The following PTPN14 variants were observed in gnomAD, a reference collection of about 807,000 sequenced individuals.
PTPN14 encodes the protein tyrosine-protein phosphatase non-receptor type 14.
In PTPN14, 53 loss-of-function variants were observed where a neutral mutation model predicts 126.8. The ratio of observed to expected loss-of-function variants is 0.42; its 90% confidence interval spans 0.34 to 0.53. PTPN14 has a LOEUF of 0.53. PTPN14 is among the 20% of genes least tolerant of loss of function. The pLI, the probability that PTPN14 is intolerant of heterozygous loss-of-function variation, is 0.08. For missense variants in PTPN14, 1,257 were observed against 1,552.9 expected (o/e 0.81, Z 3.20); for synonymous variants, 630 against 599.3 (o/e 1.05, Z -0.75).
rs1657648779 is a variant in PTPN14, at chr1:214,348,789, G to A, written c.*9133C>T. 6.6e-6 allele frequency: 1 copy of A among 152,108 alleles called. No homozygotes were observed. The highest frequency in any genetic ancestry group is 2.4e-5 in the African/African-American group (1 of 41,416). 9.4% of individuals were successfully genotyped at this position (152,108 alleles called of 1,614,324 possible). A position where few individuals can be genotyped will look rare whatever the true frequency, so the allele number is the denominator to read the frequency against. On this transcript the variant is annotated 3_prime_UTR_variant, in exon 19 of 19. Coordinates refer to ENST00000366956, the MANE Select transcript of PTPN14 (RefSeq NM_005401.5). ...AGAATAAAGATCTCACATTTGTAAA[G>A]GCACATATGAAACATTTTATAGCAA... is the stretch of plus-strand genomic sequence containing the variant.
chr1:214,540,231 A>T (rs1655803777), intron 1 of PTPN14, among the ~76,000 whole-genome samples: 1 of 152,222 alleles, frequency 6.6e-6, no homozygotes, highest in Admixed American at 6.5e-5. Context: ...TCAAATGATA[A>T]ATTGAAGACT....
At chr1:214,501,695 A>G (rs1228200615) in intron 1 of PTPN14, among the ~76,000 whole-genome samples, 2 of 152,236 alleles carry the variant, frequency 1.3e-5, no homozygotes, top group Non-Finnish European at 2.9e-5. Context: ...TAAGGAAATG[A>G]ATTGGGATCA....
At chr1:214,371,401 G>A (rs972848744) in intron 16 of PTPN14, among the ~76,000 whole-genome samples, 5 of 152,278 alleles carry the variant, frequency 3.3e-5, no homozygotes, top group South Asian at 4.1e-4. Flanking sequence ...GTCCCCTAGC[G>A]TGAATGACAG....
chr1:214,549,224 C>T (rs1453265329), intron 1 of PTPN14, among the ~76,000 whole-genome samples: 2 of 152,178 alleles, frequency 1.3e-5, no homozygotes, highest in East Asian at 3.8e-4. Context: ...CCACTTCAGT[C>T]CAGTGAAGAG....
At chr1:214,389,120 T>C (rs79157709) in intron 11 of PTPN14, among the ~76,000 whole-genome samples, 3 of 152,240 alleles carry the variant, frequency 2.0e-5, no homozygotes, top group South Asian at 2.1e-4. Flanking sequence ...AATTTTTCCA[T>C]GGTAGCACAA....
chr1:214,458,065 A>G (rs184938059), intron 2 of PTPN14, among the ~76,000 whole-genome samples: 1 of 152,198 alleles, frequency 6.6e-6, no homozygotes, highest in East Asian at 1.9e-4. Context: ...ATAGAGAGAG[A>G]GAGACAGAGA....
intron 3 of PTPN14, among the ~76,000 whole-genome samples, chr1:214,446,397 C>A (rs1660142686): frequency 6.6e-6 from 1 of 152,160 alleles, no homozygotes; most frequent in Non-Finnish European, 1.5e-5. Flanking sequence ...AGTGTCTTGG[C>A]AGGTTTCCCT....
At chr1:214,413,967 C>T (rs900051859) in intron 4 of PTPN14, among the ~76,000 whole-genome samples, 4 of 147,128 alleles carry the variant, frequency 2.7e-5, no homozygotes, top group African/African-American at 1.1e-4. Flanking sequence ...CCGCGCTGGC[C>T]TATCTTGCTT....
intron 1 of PTPN14, among the ~76,000 whole-genome samples, chr1:214,482,144 A>G (rs1004449596): frequency 6.6e-6 from 1 of 152,178 alleles, no homozygotes; most frequent in Non-Finnish European, 1.5e-5. Context: ...AGGTGATGCT[A>G]AACACTATCA....
At chr1:214,491,801 T>C (rs1292371526) in intron 1 of PTPN14, among the ~76,000 whole-genome samples, 1 of 152,160 alleles carries the variant, frequency 6.6e-6, no homozygotes, top group Non-Finnish European at 1.5e-5. Context: ...TGGGGAAATC[T>C]TTCCCCAAGT....
chr1:214,540,666 C>T (rs1655813342), intron 1 of PTPN14, among the ~76,000 whole-genome samples: 1 of 152,072 alleles, frequency 6.6e-6, no homozygotes, highest in Admixed American at 6.6e-5. Context: ...ACAGATACTA[C>T]TACAGCAACC....
chr1:214,471,637 G>C (rs1660761530), intron 1 of PTPN14, among the ~76,000 whole-genome samples: 1 of 152,152 alleles, frequency 6.6e-6, no homozygotes, highest in Admixed American at 6.5e-5. Context: ...TGAAGGTGGG[G>C]GGTGAGGTGG....
chr1:214,461,285 C>G (rs1418285821), intron 2 of PTPN14, among the ~76,000 whole-genome samples: 1 of 152,150 alleles, frequency 6.6e-6, no homozygotes, highest in African/African-American at 2.4e-5. Flanking sequence ...TAAACTACTT[C>G]TAATGGCAAA....
At chr1:214,471,025 CAAAAAAAAA>C (rs71165976) in intron 1 of PTPN14, among the ~76,000 whole-genome samples, 15 of 129,314 alleles carry the variant, frequency 1.2e-4, no homozygotes, top group African/African-American at 4.3e-4. Context: ...AATTCCATCT[CAAAAAAAAA>C]AAAAACAAAA....
intron 1 of PTPN14, among the ~76,000 whole-genome samples, chr1:214,506,288 C>T (rs1571630763): frequency 6.6e-6 from 1 of 152,152 alleles, no homozygotes; most frequent in African/African-American, 2.4e-5. Context: ...GAGGATTGCT[C>T]GAGGTCAGGA....
intron 15 of PTPN14, among the ~76,000 whole-genome samples, chr1:214,374,416 C>T (rs1327319244): frequency 6.6e-6 from 1 of 152,134 alleles, no homozygotes; most frequent in African/African-American, 2.4e-5. Context: ...TCTCTGGCAC[C>T]CAACGTATAG....
At chr1:214,541,508 T>C (rs944845365) in intron 1 of PTPN14, among the ~76,000 whole-genome samples, 1 of 152,198 alleles carries the variant, frequency 6.6e-6, no homozygotes, top group East Asian at 1.9e-4. Context: ...TTCTTGATCT[T>C]GTCCAAATTT....
rs1257728864 is a variant in PTPN14, at chr1:214,448,487, G to C, written c.344+3318C>G. Among the ~76,000 whole-genome samples, 3 of 149,760 alleles carry C rather than the reference G, an allele frequency of 2.0e-5. No individual in the cohort carries two copies. The South Asian group carries it at 6.3e-4, about 32-fold the overall frequency. ...TCTCGATCTCCTGACCTCGTGATCC[G>C]CCCGCCTCGGTCTCCCAAAGTGCTG... On this transcript the variant is annotated intron_variant, in intron 3 of 18. Transcript: ENST00000366956.
At chr1:214,446,691 T>C (rs920107398) in intron 3 of PTPN14, among the ~76,000 whole-genome samples, 1 of 152,148 alleles carries the variant, frequency 6.6e-6, no homozygotes, top group African/African-American at 2.4e-5. Context: ...TATTTTCCTT[T>C]GACTCCTATG....
Sources: gnomAD v4.1 joint callset for allele counts (sites outside exome capture counted in the v4.1 genomes callset) on GRCh38, gnomAD v4.1.1 for gene constraint, MANE v1.5 for transcripts, NCBI Gene and HGNC (gene_info 2026-07-23, HGNC 2026-07-21) for gene names.